PCDHA9: variants seen among roughly 807,000 people sequenced by gnomAD.
The protein encoded by PCDHA9 is protocadherin alpha 9.
PCDHA9 carries 62 observed loss-of-function variants against 62.0 expected under a neutral mutation model. The observed-to-expected ratio is 1.00, with a 90% CI of 0.81 to 1.23. The LOEUF (loss-of-function observed/expected upper bound fraction) is 1.23, where lower values mean the gene tolerates loss of function less well. PCDHA9 is among the 50% of genes most tolerant of loss of function. The pLI, the probability that PCDHA9 is intolerant of heterozygous loss-of-function variation, is 0.00. For missense variants in PCDHA9, 1,205 were observed against 1,249.8 expected (o/e 0.96, Z 0.54); for synonymous variants, 557 against 567.6 (o/e 0.98, Z 0.27).
chr5:140,954,824 C>T (rs1167171102), intron 1 of PCDHA9, among the ~76,000 whole-genome samples: 2 of 152,068 alleles, frequency 1.3e-5, no homozygotes, highest in Non-Finnish European at 2.9e-5. Flanking sequence ...GCTTTAGGCA[C>T]TTTTGTCATG....
chr5:140,862,630 C>T (rs138501125), intron 1 of PCDHA9: 7 of 535,352 alleles, frequency 1.3e-5, no homozygotes, highest in Non-Finnish European at 2.7e-5. Flanking sequence ...GCGGGGCTGC[C>T]ACGACTTCAC....
intron 1 of PCDHA9, among the ~76,000 whole-genome samples, chr5:140,910,875 C>A (rs1224657424): frequency 4.6e-5 from 7 of 152,184 alleles, no homozygotes; most frequent in Non-Finnish European, 7.3e-5. Flanking sequence ...TTATCCCACA[C>A]CCTTAATATC....
chr5:140,926,656 T>C (rs1372034097), intron 1 of PCDHA9: 1 of 513,300 alleles, frequency 1.9e-6, no homozygotes, highest in Non-Finnish European at 3.1e-6. Flanking sequence ...CGGCTCCGCT[T>C]TCCCAGACGG....
At chr5:140,934,171 A>C (rs965826085) in intron 1 of PCDHA9, among the ~76,000 whole-genome samples, 11 of 152,160 alleles carry the variant, frequency 7.2e-5, no homozygotes, top group African/African-American at 2.7e-4. Context: ...GTGCAACAGA[A>C]GTACTCTAAA....
At chr5:140,952,058 T>C (rs889374877) in intron 1 of PCDHA9, among the ~76,000 whole-genome samples, 1 of 152,096 alleles carries the variant, frequency 6.6e-6, no homozygotes, top group African/African-American at 2.4e-5. Flanking sequence ...ATCTTAAAGC[T>C]CCAAATAATC....
rs114351206 is a variant in PCDHA9 at position 140,991,799 on chromosome 5, G to A, written c.2542+9236G>A. Among the ~76,000 whole-genome samples the A allele has an allele frequency of 3.8e-3, 580 of 152,160 alleles. 3 individuals are homozygous for A. The highest frequency in any genetic ancestry group is 0.013 in the African/African-American group (548 of 41,490). On this transcript the variant is annotated intron_variant, in intron 3 of 3. Coordinates refer to ENST00000532602, the MANE Select transcript of PCDHA9 (RefSeq NM_031857.2). ...ACTCTGCCCATTTCCCAATCTCAAG[G>A]CCACTTCCGCATTTTTAGGCATTTA... is the stretch of plus-strand genomic sequence containing the variant.
At chr5:140,869,256 C>T in intron 1 of PCDHA9, 2 of 1,613,586 alleles carry the variant, frequency 1.2e-6, no homozygotes, top group Non-Finnish European at 1.7e-6. Flanking sequence ...TCGCGCAGGA[C>T]CTGGGGCTGG....
intron 1 of PCDHA9, chr5:140,927,104 C>T (rs1554204027): frequency 6.2e-7 from 1 of 1,613,722 alleles, no homozygotes; most frequent in Admixed American, 1.7e-5. Flanking sequence ...GTGGATCTAC[C>T]CAGCGGCAAT....
intron 1 of PCDHA9, among the ~76,000 whole-genome samples, chr5:140,976,505 C>T (rs538128648): frequency 3.3e-5 from 5 of 152,122 alleles, no homozygotes; most frequent in East Asian, 3.9e-4. Flanking sequence ...GAGCCAAGAT[C>T]GCGCCACTGC....
At position 140,859,292 on chromosome 5, in the gene PCDHA9, CT is replaced by C. The variant is rs1226140670; in HGVS notation, c.2394+8406del. 1.3e-3 allele frequency: 281 copies of C among 215,310 alleles called. 12 individuals are homozygous for C. Among genetic ancestry groups the C allele is most frequent in the African/African-American group, 6.4e-3 (274 of 42,824 alleles). 13.3% of individuals were successfully genotyped at this position (215,310 alleles called of 1,614,324 possible). A position where few individuals can be genotyped will look rare whatever the true frequency, so the allele number is the denominator to read the frequency against. ...CTTTTTACTTTTGAGACTGAAAATA[CT>C]TTAGTATGAATTAATATTAAAAGTT... On this transcript the variant is annotated intron_variant, in intron 1 of 3. Transcript: ENST00000532602.
At chr5:140,898,507 C>T (rs538521734) in intron 1 of PCDHA9, among the ~76,000 whole-genome samples, 23 of 152,140 alleles carry the variant, frequency 1.5e-4, no homozygotes, top group African/African-American at 5.1e-4. Context: ...TGTAGATATG[C>T]GGCGTTATTT....
Position 140,857,393 on chromosome 5 carries a change from G to C in PCDHA9, c.2394+6504G>C, listed in dbSNP as rs146099067. On this transcript the variant is annotated intron_variant, in intron 1 of 3. Coordinates refer to ENST00000532602, the MANE Select transcript of PCDHA9 (RefSeq NM_031857.2). The stretch of plus-strand genomic sequence containing the variant: ...GTCTGTGGAGGTGGCCGACGTGAAC[G>C]ACAACGCGCCTGCGTTCGCGCAGTC... The C allele has an allele frequency of 3.2e-4, 519 of 1,598,492 alleles. 32 individuals carry two copies. In the African/African-American group the frequency reaches 5.9e-3, roughly 18 times the overall value.
intron 3 of PCDHA9, among the ~76,000 whole-genome samples, chr5:140,999,693 A>AT (rs202183337): frequency 0.011 from 1,632 of 151,520 alleles, 13 homozygotes; most frequent in Middle Eastern, 0.058. Flanking sequence ...AAGAAATGTG[A>AT]TTTTTTTTTA....
chr5:140,884,428 G>T, intron 1 of PCDHA9: 1 of 1,613,962 alleles, frequency 6.2e-7, no homozygotes, highest in East Asian at 2.2e-5. Flanking sequence ...TGTATACTGC[G>T]CTGCGGTGCT....
chr5:140,954,771 T>C (rs1314345691), intron 1 of PCDHA9, among the ~76,000 whole-genome samples: 2 of 152,230 alleles, frequency 1.3e-5, no homozygotes, highest in African/African-American at 4.8e-5. Context: ...AGCTCTTTAA[T>C]TTAATTAGAT....
Position 140,883,366 on chromosome 5 carries a change from C to A in PCDHA9, c.2394+32477C>A, listed in dbSNP as rs34923516. 1.2e-5 allele frequency: 19 copies of A among 1,614,056 alleles called. No individual in the cohort carries two copies. In the African/African-American group the frequency reaches 2.4e-4, roughly 20 times the overall value. On this transcript the variant is annotated intron_variant, in intron 1 of 3. Transcript: ENST00000532602. ...CCATCAGAGAAGACACTCAGCCTAGCGCCATTATTGCCCTAATCAGTGTGT... is the reference window on the plus strand; with the variant it reads ...CCATCAGAGAAGACACTCAGCCTAGAGCCATTATTGCCCTAATCAGTGTGT...
intron 3 of PCDHA9, among the ~76,000 whole-genome samples, chr5:140,983,386 A>G (rs1426409765): frequency 2.6e-5 from 4 of 152,216 alleles, no homozygotes. Context: ...TCGCTGTGGC[A>G]GTTTTCAGAA....
chr5:140,891,234 G>A (rs1477518444), intron 1 of PCDHA9, among the ~76,000 whole-genome samples: 2 of 151,932 alleles, frequency 1.3e-5, no homozygotes, highest in Non-Finnish European at 2.9e-5. Context: ...ATCCTGTTCT[G>A]GATTCAGTAG....
At chr5:140,974,690 T>G (rs2096636717) in intron 1 of PCDHA9, among the ~76,000 whole-genome samples, 4 of 152,236 alleles carry the variant, frequency 2.6e-5, no homozygotes, top group Admixed American at 2.6e-4. Context: ...TTTGTATTTT[T>G]GGGTTTCACC....
Sources: allele counts gnomAD v4.1 joint callset (sites outside exome capture counted in the v4.1 genomes callset), GRCh38; gene constraint gnomAD v4.1.1; transcripts MANE v1.5; gene names NCBI Gene and HGNC (gene_info 2026-07-23, HGNC 2026-07-21).